The following SLC5A10 variants were observed in gnomAD, a reference collection of about 807,000 sequenced individuals.
SLC5A10 encodes sodium/mannose cotransporter SLC5A10.
Under a neutral mutation model 68.9 loss-of-function variants are expected in SLC5A10, and 55 were observed. That is an observed-to-expected ratio of 0.80 (90% CI 0.64 to 1.00). The LOEUF is 1.00. Ranked by LOEUF, SLC5A10 falls within the 50% of genes least tolerant of loss-of-function variation. The pLI, the probability that SLC5A10 is intolerant of heterozygous loss-of-function variation, is 0.00. For missense variants in SLC5A10, 732 were observed against 819.3 expected (o/e 0.89, Z 1.30); for synonymous variants, 344 against 344.8 (o/e 1.00, Z 0.02).
At chr17:18,957,639 T>C (rs2151991830) in intron 1 of SLC5A10, among the ~76,000 whole-genome samples, 1 of 152,174 alleles carries the variant, frequency 6.6e-6, no homozygotes, top group South Asian at 2.1e-4. Flanking sequence ...CTAATTTTTG[T>C]ATTTTTAGTA....
chr17:19,007,729 T>G (rs188411212), intron 9 of SLC5A10, among the ~76,000 whole-genome samples: 9 of 152,366 alleles, frequency 5.9e-5, no homozygotes, highest in Non-Finnish European at 1.2e-4. Flanking sequence ...TTCATCCTCT[T>G]CGAGGTGTCT....
At chr17:18,985,381 C>T in intron 9 of SLC5A10, among the ~76,000 whole-genome samples, 1 of 152,208 alleles carries the variant, frequency 6.6e-6, no homozygotes, top group East Asian at 1.9e-4. Context: ...GTATCACCCC[C>T]AAACTGGCAC....
chr17:18,960,636 T>C lies in SLC5A10; in HGVS notation c.437T>C (p.Val146Ala). ...YLSVLSLLLS[V>A]FTKISLDLYA... ...TCTGTCCTGTCCCTGCTACTGTCTG[T>C]CTTCACCAAGATATCGGTGAGCTGC... Residue 146 changes from valine (V) to alanine (A), a missense_variant, in exon 5 of 15, where the codon GTC becomes GCC. Coordinates refer to ENST00000395645, the MANE Select transcript of SLC5A10 (RefSeq NM_001042450.4). The C allele has an allele frequency of 6.2e-7, 1 of 1,614,034 alleles. No homozygotes were observed. The highest frequency in any genetic ancestry group is 8.5e-7 in the Non-Finnish European group (1 of 1,179,938).
In SLC5A10 at chr17:18,996,191, C is replaced by T. The variant is rs188808179; in HGVS notation, c.983-17219C>T. 1.3e-4 allele frequency among the ~76,000 whole-genome samples: 19 copies of T among 150,048 alleles called. No individual in the cohort carries two copies. The highest frequency in any genetic ancestry group is 4.6e-4 in the African/African-American group (19 of 40,976). The stretch of plus-strand genomic sequence containing the variant: ...TACCCAGTAAAAATACATTTCAAAA[C>T]AAAAGGCAAACTAAAGACTTTTTCA... On this transcript the variant is annotated intron_variant, in intron 9 of 14. Coordinates refer to ENST00000395645, the MANE Select transcript of SLC5A10 (RefSeq NM_001042450.4). This position sits in a 1 kb window ranked among gnomAD's most constrained non-coding sequence, Gnocchi z 4.4.
In SLC5A10 at chr17:19,017,292, TA is replaced by T. The variant is rs1567815841; in HGVS notation, c.1241+2094del. ...TCCCGTCCCTCTTACAGCACTGGGA[TA>T]CCCTCAACACCCCCAGCCCCTCAAA... On this transcript the variant is annotated intron_variant, in intron 11 of 14. Coordinates refer to ENST00000395645, the MANE Select transcript of SLC5A10 (RefSeq NM_001042450.4). The surrounding 1 kb of genome is among the most constrained non-coding windows in gnomAD (Gnocchi z 5.6). 2.6e-5 allele frequency: 41 copies of T among 1,551,908 alleles called. No homozygotes were observed. The highest frequency in any genetic ancestry group is 3.5e-5 in the Non-Finnish European group (40 of 1,147,042).
intron 11 of SLC5A10, among the ~76,000 whole-genome samples, chr17:19,016,077 G>T (rs754741291): frequency 1.2e-4 from 18 of 149,394 alleles, no homozygotes; most frequent in Non-Finnish European, 1.8e-4. Flanking sequence ...AGACAGTCTC[G>T]TTTTGTCACC....
intron 8 of SLC5A10, among the ~76,000 whole-genome samples, chr17:18,973,431 T>C (rs906140994): frequency 6.6e-6 from 1 of 152,200 alleles, no homozygotes; most frequent in Non-Finnish European, 1.5e-5. Context: ...CAACCAGCAT[T>C]GGAGCTGTAG....
intron 9 of SLC5A10, among the ~76,000 whole-genome samples, chr17:18,989,902 A>C (rs9916099): frequency 0.24 from 36,718 of 151,984 alleles, 6,289 homozygotes; most frequent in African/African-American, 0.48. Flanking sequence ...GGTCTCCAGT[A>C]CCTTCTCTTG....
chr17:19,011,622 G>A (rs998637411), intron 9 of SLC5A10, among the ~76,000 whole-genome samples: 1 of 152,036 alleles, frequency 6.6e-6, no homozygotes, highest in Non-Finnish European at 1.5e-5. Flanking sequence ...ATGGGATTGG[G>A]CAGGGTGGGC....
chr17:18,977,059 C>A (rs769070332), intron 9 of SLC5A10, 70 bp downstream of exon 9: 5 of 1,586,436 alleles, frequency 3.2e-6, no homozygotes, highest in Non-Finnish European at 4.3e-6. Flanking sequence ...GTCCTGCAAA[C>A]GTCACCAGAA....
Position 19,004,157 on chromosome 17 carries a change from G to T in SLC5A10, c.983-9253G>T. On this transcript the variant is annotated intron_variant, in intron 9 of 14. Coordinates refer to ENST00000395645, the MANE Select transcript of SLC5A10 (RefSeq NM_001042450.4). This position sits in a 1 kb window ranked among gnomAD's most constrained non-coding sequence, Gnocchi z 5.4. ...GCCTCTCCGCGGCCTCTGCTTCTCT[G>T]CCCATGAGCAATCTGCGGGAAAGAC... The T allele has an allele frequency of 1.1e-6, 1 of 942,946 alleles. No individual in the cohort carries two copies. Among genetic ancestry groups the T allele is most frequent in the Non-Finnish European group, 1.5e-6 (1 of 669,322 alleles). The allele number at this position is 942,946 out of a possible 1,614,324, so 58.4% of individuals were successfully genotyped here. A position where few individuals can be genotyped will look rare whatever the true frequency, so the allele number is the denominator to read the frequency against.
At chr17:18,960,503 G>A in intron 4 of SLC5A10, 45 bp from the exon 5 acceptor site, 1 of 1,547,076 alleles carries the variant, frequency 6.5e-7, no homozygotes, top group East Asian at 2.2e-5. Context: ...GGAGCCCTGG[G>A]CATCATCTGG....
In SLC5A10 at chr17:19,020,172, G is replaced by C; in HGVS notation, c.1644G>C (p.Trp548Cys). Residue 548 changes from tryptophan (W) to cysteine (C), a missense_variant, in exon 14 of 15, where the codon TGG (tryptophan) becomes TGC (cysteine). Physicochemically the swap from Trp to Cys is radical, Grantham distance 215 (BLOSUM62 -2). Coordinates refer to ENST00000395645, the MANE Select transcript of SLC5A10 (RefSeq NM_001042450.4). Reference protein sequence around the residue: ...PQSVQIENLTWWTLAQDVPLG... With the variant: ...PQSVQIENLTCWTLAQDVPLG... ...TCTTACAGATTGAGAACCTTACCTG[G>C]TGGACCCTGGCTCAGGATGTGCCCT... 2 of 1,611,478 alleles carry C rather than the reference G, an allele frequency of 1.2e-6. No individual in the cohort carries two copies. Among genetic ancestry groups the C allele is most frequent in the Non-Finnish European group, 1.7e-6 (2 of 1,179,656 alleles).
Position 18,979,487 on chromosome 17 carries a change from C to T in SLC5A10, c.982+2498C>T. ...GAATAACCAGGGTTAGGATTAAGGGCAGAAGCCAGTTGGGAGCCAGAGGTA... is the reference window on the plus strand; with the variant it reads ...GAATAACCAGGGTTAGGATTAAGGGTAGAAGCCAGTTGGGAGCCAGAGGTA... On this transcript the variant is annotated intron_variant, in intron 9 of 14. Coordinates refer to ENST00000395645, the MANE Select transcript of SLC5A10 (RefSeq NM_001042450.4). 1.9e-6 allele frequency: 3 copies of T among 1,592,022 alleles called. No homozygotes were observed. In the South Asian group the frequency reaches 3.4e-5, roughly 18 times the overall value.
At chr17:19,011,383 T>A (rs1353287269) in intron 9 of SLC5A10, among the ~76,000 whole-genome samples, 4 of 152,016 alleles carry the variant, frequency 2.6e-5, no homozygotes, top group Non-Finnish European at 5.9e-5. Flanking sequence ...GTGCTGGGTG[T>A]GTGTGAGAAA....
In SLC5A10 at chr17:18,959,249, G is replaced by C; in HGVS notation, c.288+10G>C. 1 of 1,612,128 alleles carries C rather than the reference G, an allele frequency of 6.2e-7. No homozygotes were observed. The highest frequency in any genetic ancestry group is 1.1e-5 in the South Asian group (1 of 91,040). On this transcript the variant is annotated intron_variant, in intron 3 of 14. Coordinates refer to ENST00000395645, the MANE Select transcript of SLC5A10 (RefSeq NM_001042450.4). ...AGGCTTCGAGTGGAATGTGAGTCCT[G>C]GAGGACTGGCGGCCTGTGGGAGGGC... is the stretch of plus-strand genomic sequence containing the variant.
Position 18,978,891 on chromosome 17 carries a change from T to A in SLC5A10, c.982+1902T>A, listed in dbSNP as rs539306483. On this transcript the variant is annotated intron_variant, in intron 9 of 14. Transcript: ENST00000395645. ...GGGGCGCTGGTCAGGCACATGACCC[T>A]GCTTCCTCCGCCCAGCCCCCGTGCA... is the stretch of plus-strand genomic sequence containing the variant. The A allele has an allele frequency of 5.0e-6, 8 of 1,598,966 alleles. No homozygotes were observed. In the African/African-American group the frequency reaches 1.1e-4, roughly 21 times the overall value.
chr17:19,019,474 G>A lies in SLC5A10; in HGVS notation c.1293G>A (p.Leu431=), dbSNP rs1292699207. 2.9e-5 allele frequency: 46 copies of A among 1,612,018 alleles called. No homozygotes were observed. The highest frequency in any genetic ancestry group is 3.7e-5 in the Non-Finnish European group (44 of 1,179,958). Residue 431 remains leucine, a synonymous_variant, in exon 12 of 15, where the codon CTG becomes CTA. Coordinates refer to ENST00000395645, the MANE Select transcript of SLC5A10 (RefSeq NM_001042450.4). ...TGAGTGTGGCCTGGATCCCCGTCCT[G>A]CAGGACTCCAACAGCGGGCAACTCT... ...IGVSVAWIPV[L]QDSNSGQLFI...
At chr17:18,995,858 A>G (rs1051723325) in intron 9 of SLC5A10, among the ~76,000 whole-genome samples, 4 of 152,022 alleles carry the variant, frequency 2.6e-5, no homozygotes, top group Non-Finnish European at 5.9e-5. Flanking sequence ...CAGTGAGCCA[A>G]GATTGCGCCA....
Sources: gnomAD v4.1 joint callset for allele counts (sites outside exome capture counted in the v4.1 genomes callset) on GRCh38, gnomAD v4.1.1 for gene constraint, Gnocchi (gnomAD v3.1) non-coding constraint, MANE v1.5 for transcripts, NCBI Gene and HGNC (gene_info 2026-07-23, HGNC 2026-07-21) for gene names.